MTFR1: variants seen among roughly 807,000 people sequenced by gnomAD.
MTFR1 encodes chondrocyte protein with a poly-proline region.
A neutral mutation model predicts 38.8 loss-of-function variants in MTFR1; 28 were observed. That is an observed-to-expected ratio of 0.72 (90% confidence interval 0.53 to 0.99). MTFR1 has a LOEUF of 0.99. Ranked by LOEUF, MTFR1 falls within the 50% of genes least tolerant of loss-of-function variation. MTFR1 has a pLI of 0.00. For synonymous variants in MTFR1, 145 were observed against 137.0 expected (o/e 1.06, Z -0.41); for missense variants, 358 against 395.5 (o/e 0.91, Z 0.81).
At chr8:65,651,713 T>C (rs951910069) in intron 1 of MTFR1, among the ~76,000 whole-genome samples, 13 of 152,162 alleles carry the variant, frequency 8.5e-5, no homozygotes, top group African/African-American at 3.1e-4. Context: ...CCCTGTAGTA[T>C]AATTTGAAGT....
chr8:65,671,540 TAA>T (rs34214439), intron 2 of MTFR1, among the ~76,000 whole-genome samples: 60 of 124,518 alleles, frequency 4.8e-4, no homozygotes, highest in Admixed American at 5.0e-4. Context: ...ACCCTATCTT[TAA>T]AAAAAAAAAA....
At chr8:65,687,240 A>T (rs1805113966) in intron 3 of MTFR1, among the ~76,000 whole-genome samples, 1 of 152,218 alleles carries the variant, frequency 6.6e-6, no homozygotes, top group African/African-American at 2.4e-5. Context: ...GTAGATTTTA[A>T]GTGTTTTCAC....
intron 3 of MTFR1, chr8:65,719,547 TTAAAACATCA>T (rs777412406): frequency 1.7e-6 from 2 of 1,171,816 alleles, no homozygotes; most frequent in East Asian, 4.8e-5. Flanking sequence ...AACTCTATCT[TTAAAACATCA>T]TCTATACAAC....
intron 2 of MTFR1, among the ~76,000 whole-genome samples, chr8:65,671,898 T>C (rs1343559029): frequency 2.0e-5 from 3 of 152,234 alleles, no homozygotes; most frequent in African/African-American, 7.2e-5. Context: ...GCACAGTGGC[T>C]TGTACAGTGT....
rs1246378418 is a variant in MTFR1, at chr8:65,709,731, TACTG to T, written c.*690_*693del. 1 of 152,676 alleles carries T rather than the reference TACTG, an allele frequency of 6.5e-6. No individual in the cohort carries two copies. Among genetic ancestry groups the T allele is most frequent in the Non-Finnish European group, 1.5e-5 (1 of 68,032 alleles). 9.5% of individuals were successfully genotyped at this position (152,676 alleles called of 1,614,324 possible). ...CTGCTTTCACGTCATTGCCATCCAG[TACTG>T]ACAGGGAAGAAAGATGTAGTTTTCC... On this transcript the variant is annotated 3_prime_UTR_variant, in exon 8 of 8. Coordinates refer to ENST00000262146, the MANE Select transcript of MTFR1 (RefSeq NM_014637.4).
At chr8:65,685,830 C>G (rs1241595078) in intron 3 of MTFR1, among the ~76,000 whole-genome samples, 1 of 152,122 alleles carries the variant, frequency 6.6e-6, no homozygotes, top group Non-Finnish European at 1.5e-5. Context: ...GGGAGAAGAT[C>G]AGGAGTTCTC....
chr8:65,700,363 A>G lies in MTFR1; in HGVS notation c.282-4331A>G, dbSNP rs571762562. ...GAGACCTATCTTAAAAAAAAAAAAA[A>G]AAAGAAAAAAGAAAACAAAAAAAAG... On this transcript the variant is annotated intron_variant, in intron 4 of 7. Transcript: ENST00000262146. Among the ~76,000 whole-genome samples, 127 of 151,402 alleles carry G rather than the reference A, an allele frequency of 8.4e-4. 2 individuals are homozygous for G. The highest frequency in any genetic ancestry group is 3.0e-3 in the Admixed American group (45 of 15,224).
At chr8:65,777,166 G>A in the MTFR1 span, among the ~76,000 whole-genome samples, 1 of 139,850 alleles carries the variant, frequency 7.2e-6, no homozygotes, top group Non-Finnish European at 1.5e-5. Context: ...CGCAACCTCT[G>A]CCTCCTGGGT....
Position 65,753,621 on chromosome 8 carries a change from A to T in MTFR1, c.*49-17326A>T, listed in dbSNP as rs114143134. Reference sequence around the variant, plus strand: ...AAGAATTTGTGTTCTGCTGTTGAGTACTCTGTGTCTGTTACCTCTAACTGG... The same window carrying T: ...AAGAATTTGTGTTCTGCTGTTGAGTTCTCTGTGTCTGTTACCTCTAACTGG... On this transcript the variant is annotated intron_variant, in intron 3 of 3. Coordinates refer to the MTFR1 transcript ENST00000521247. Among the ~76,000 whole-genome samples the T allele has an allele frequency of 3.4e-3, 508 of 151,408 alleles. 3 individuals carry two copies. Among genetic ancestry groups the T allele is most frequent in the African/African-American group, 0.011 (470 of 41,384 alleles).
chr8:65,645,968 T>G (rs1808955774), intron 1 of MTFR1, among the ~76,000 whole-genome samples: 1 of 152,216 alleles, frequency 6.6e-6, no homozygotes, highest in South Asian at 2.1e-4. Flanking sequence ...AGGGACATAT[T>G]AAAGTGTAGA....
At chr8:65,752,078 T>C (rs1404091304) in intron 3 of MTFR1, among the ~76,000 whole-genome samples, 1 of 152,222 alleles carries the variant, frequency 6.6e-6, no homozygotes, top group Non-Finnish European at 1.5e-5. Flanking sequence ...TGCTTATATT[T>C]CTACTACTTG....
Position 65,668,184 on chromosome 8 carries a change from C to CTT in MTFR1, c.-80-1679_-80-1678dup, listed in dbSNP as rs200290743. Among the ~76,000 whole-genome samples the CTT allele has an allele frequency of 6.1e-4, 67 of 109,170 alleles. 1 individual carries two copies. The highest frequency in any genetic ancestry group is 1.8e-3 in the African/African-American group (54 of 30,280). 71.6% of individuals were successfully genotyped at this position (109,170 alleles called of 152,430 possible). ...GCAAGATTTTCTTTTTTTTTTTTTT[C>CTT]TTTTTTTTTTTGAGAGGGAGTCTTG... On this transcript the variant is annotated intron_variant, in intron 1 of 7. Coordinates refer to ENST00000262146, the MANE Select transcript of MTFR1 (RefSeq NM_014637.4).
chr8:65,777,497 T>C, the MTFR1 span, among the ~76,000 whole-genome samples: 1 of 152,216 alleles, frequency 6.6e-6, no homozygotes, highest in African/African-American at 2.4e-5. Context: ...GTGTTATAGA[T>C]ATAATTTGAT....
intron 3 of MTFR1, among the ~76,000 whole-genome samples, chr8:65,691,601 G>T (rs954280229): frequency 3.3e-5 from 5 of 152,092 alleles, no homozygotes; most frequent in African/African-American, 1.2e-4. Context: ...TGAATTTAAG[G>T]TGCTTTAGAT....
At chr8:65,707,603 C>G (rs1252989020) in intron 6 of MTFR1, among the ~76,000 whole-genome samples, 1 of 152,222 alleles carries the variant, frequency 6.6e-6, no homozygotes, top group Non-Finnish European at 1.5e-5. Flanking sequence ...TCTATTTGCC[C>G]TGAAGGAGAG....
At chr8:65,739,217 G>A (rs967486475) in intron 3 of MTFR1, among the ~76,000 whole-genome samples, 2 of 152,182 alleles carry the variant, frequency 1.3e-5, no homozygotes, top group South Asian at 2.1e-4. Context: ...ATGTAGAGCC[G>A]AGATGGGTCA....
At chr8:65,692,266 A>G (rs1805302865) in intron 3 of MTFR1, among the ~76,000 whole-genome samples, 1 of 152,208 alleles carries the variant, frequency 6.6e-6, no homozygotes, top group Non-Finnish European at 1.5e-5. Context: ...GCATTATTAT[A>G]TGTATAACAA....
intron 3 of MTFR1, among the ~76,000 whole-genome samples, chr8:65,736,108 T>C (rs774188991): frequency 1.1e-4 from 16 of 152,042 alleles, no homozygotes; most frequent in Non-Finnish European, 7.4e-5. Flanking sequence ...CAGTAAGAAA[T>C]TAACAATAAT....
chr8:65,706,986 G>A (rs1805796773), intron 5 of MTFR1, 24 bp from the exon 6 acceptor site: 2 of 1,561,604 alleles, frequency 1.3e-6, no homozygotes, highest in African/African-American at 1.4e-5. Flanking sequence ...GTGGGATTAA[G>A]TTTGTTTTCC....
Sources: allele counts gnomAD v4.1 joint callset (sites outside exome capture counted in the v4.1 genomes callset), GRCh38; gene constraint gnomAD v4.1.1; transcripts MANE v1.5; gene names NCBI Gene and HGNC (gene_info 2026-07-23, HGNC 2026-07-21).